Variants in BICC1 observed in about 807,000 individuals in gnomAD.
BICC1 encodes the protein protein bicaudal C homolog 1.
BICC1 carries 43 observed loss-of-function variants against 111.0 expected under a neutral mutation model. The observed-to-expected ratio is 0.39, with a 90% CI of 0.30 to 0.50. The LOEUF (loss-of-function observed/expected upper bound fraction) is 0.50. Ranked by LOEUF, BICC1 falls within the 20% of genes least tolerant of loss-of-function variation. The pLI, the probability that BICC1 is intolerant of heterozygous loss-of-function variation, is 0.88. For missense variants in BICC1, 1,091 were observed against 1,203.2 expected, an observed-to-expected ratio of 0.91 and a Z score of 1.38; for synonymous variants, 467 against 434.4, an observed-to-expected ratio of 1.07 and a Z score of -0.93.
intron 3 of BICC1, among the ~76,000 whole-genome samples, chr10:58,751,116 C>T (rs971330952): frequency 6.6e-6 from 1 of 152,150 alleles, no homozygotes; most frequent in African/African-American, 2.4e-5. Context: ...GATAGCAGTT[C>T]TGCAAGTCTC....
At chr10:58,782,073 C>G in intron 3 of BICC1, among the ~76,000 whole-genome samples, 1 of 152,144 alleles carries the variant, frequency 6.6e-6, no homozygotes, top group East Asian at 1.9e-4. Flanking sequence ...TTTTTGGTCA[C>G]TAGATGGTGC....
intron 1 of BICC1, among the ~76,000 whole-genome samples, chr10:58,545,588 A>G (rs1843115788): frequency 1.3e-5 from 2 of 152,154 alleles, no homozygotes; most frequent in Non-Finnish European, 2.9e-5. Context: ...AAAGTTCTCA[A>G]AATTGCGCAC....
In BICC1 at chr10:58,522,908, A is replaced by G. The variant is rs192837534; in HGVS notation, c.190+9575A>G. ...TCCCACAGAACTACAGACTACCATC[A>G]GAGAATACTATAAACACCTCTATGC... On this transcript the variant is annotated intron_variant, in intron 1 of 20. Transcript: ENST00000373886. Among the ~76,000 whole-genome samples, 68 of 152,298 alleles carry G rather than the reference A, an allele frequency of 4.5e-4. 1 individual carries two copies. The East Asian group carries it at 0.012, about 27-fold the overall frequency.
At chr10:58,594,277 A>G (rs1428635121) in intron 1 of BICC1, among the ~76,000 whole-genome samples, 1 of 152,206 alleles carries the variant, frequency 6.6e-6, no homozygotes, top group African/African-American at 2.4e-5. Context: ...GACGAGGAGA[A>G]TGGAACCAAG....
chr10:58,823,677 C>CT (rs201931483), intron 20 of BICC1: 16 of 983,980 alleles, frequency 1.6e-5, no homozygotes, highest in Non-Finnish European at 1.9e-5. Context: ...GGCCTCATTC[C>CT]TTTTTTTTCT....
intron 3 of BICC1, among the ~76,000 whole-genome samples, chr10:58,737,807 T>G (rs951087303): frequency 3.9e-5 from 6 of 152,202 alleles, no homozygotes; most frequent in Non-Finnish European, 7.3e-5. Context: ...GTATCTCATT[T>G]TGGTTTTGAT....
At chr10:58,650,332 C>A (rs1340010292) in intron 2 of BICC1, 1 of 152,150 alleles carries the variant, frequency 6.6e-6, no homozygotes, top group Non-Finnish European at 1.5e-5. Flanking sequence ...TGGAGTGTTA[C>A]ATTTCACTGG....
chr10:58,824,879 G>A (rs1234093152), intron 20 of BICC1, among the ~76,000 whole-genome samples: 1 of 152,114 alleles, frequency 6.6e-6, no homozygotes, highest in African/African-American at 2.4e-5. Flanking sequence ...GAGTTTGTCA[G>A]AATGAGTTAC....
chr10:58,696,636 C>A (rs1840073202), intron 2 of BICC1, among the ~76,000 whole-genome samples: 1 of 152,174 alleles, frequency 6.6e-6, no homozygotes, highest in African/African-American at 2.4e-5. Context: ...AAGAGAGCAG[C>A]TAAGGAACCC....
chr10:58,707,824 G>T (rs924724516), intron 3 of BICC1, among the ~76,000 whole-genome samples: 10 of 152,002 alleles, frequency 6.6e-5, no homozygotes, highest in Admixed American at 3.3e-4. Context: ...AGCCTCCCGA[G>T]TAGCTGGGAT....
intron 2 of BICC1, among the ~76,000 whole-genome samples, chr10:58,672,287 C>A (rs1398118078): frequency 6.6e-6 from 1 of 152,126 alleles, no homozygotes; most frequent in East Asian, 1.9e-4. Context: ...ATTCTACTTT[C>A]TTCTCTCTCA....
intron 13 of BICC1, 38 bp from the exon 14 acceptor site, chr10:58,800,852 G>T (rs1009899997): frequency 6.4e-7 from 1 of 1,557,292 alleles, no homozygotes; most frequent in Non-Finnish European, 8.7e-7. Flanking sequence ...AGGTGATGTT[G>T]TTTAGGTGTT....
chr10:58,775,420 AC>A (rs1221958098), intron 3 of BICC1, among the ~76,000 whole-genome samples: 1 of 152,094 alleles, frequency 6.6e-6, no homozygotes, highest in East Asian at 1.9e-4. Flanking sequence ...ACAAAAAAAA[AC>A]ATTTAAGCAG....
At chr10:58,541,679 A>AT in intron 1 of BICC1, among the ~76,000 whole-genome samples, 1 of 152,194 alleles carries the variant, frequency 6.6e-6, no homozygotes, top group East Asian at 1.9e-4. Flanking sequence ...TAGCAGTGTT[A>AT]TTTTTTGCAG....
chr10:58,711,326 A>G (rs1369211718), intron 3 of BICC1, among the ~76,000 whole-genome samples: 1 of 152,186 alleles, frequency 6.6e-6, no homozygotes, highest in Non-Finnish European at 1.5e-5. Flanking sequence ...GAGAACAGAG[A>G]CCTGGGCCAT....
rs191459827 is a variant in BICC1, at chr10:58,627,261, A to G, written c.237+6360A>G. 3.9e-5 allele frequency among the ~76,000 whole-genome samples: 6 copies of G among 152,358 alleles called. No individual in the cohort carries two copies. In the South Asian group the frequency reaches 6.2e-4, roughly 16 times the overall value. The stretch of plus-strand genomic sequence containing the variant: ...ACTCAATGCATTGGATCATGTAGAA[A>G]ATGAAATTGAATTCATGAAAATAGG... On this transcript the variant is annotated intron_variant, in intron 2 of 20. Coordinates refer to ENST00000373886, the MANE Select transcript of BICC1 (RefSeq NM_001080512.3).
chr10:58,757,963 C>T (rs115521393), intron 3 of BICC1, among the ~76,000 whole-genome samples: 117 of 152,204 alleles, frequency 7.7e-4, no homozygotes, highest in African/African-American at 2.6e-3. Context: ...CAGAAACAAC[C>T]CATAGGAAGC....
intron 2 of BICC1, among the ~76,000 whole-genome samples, chr10:58,684,344 G>T (rs1362064017): frequency 6.6e-6 from 1 of 151,748 alleles, no homozygotes; most frequent in Non-Finnish European, 1.5e-5. Flanking sequence ...TCTTTTTTTT[G>T]TTGTGTCTCT....
chr10:58,697,129 A>C (rs751462749), intron 2 of BICC1, among the ~76,000 whole-genome samples: 21 of 152,232 alleles, frequency 1.4e-4, no homozygotes, highest in Admixed American at 3.3e-4. Flanking sequence ...GTGGGGAATG[A>C]CCAGAATGAT....
Sources: allele counts gnomAD v4.1 joint callset (sites outside exome capture counted in the v4.1 genomes callset), GRCh38; gene constraint gnomAD v4.1.1; transcripts MANE v1.5; gene names NCBI Gene and HGNC (gene_info 2026-07-23, HGNC 2026-07-21).